ATAD5: variants seen among roughly 807,000 people sequenced by gnomAD.
The protein encoded by ATAD5 is ATPase family AAA domain containing 5.
Under a neutral mutation model 176.9 loss-of-function variants are expected in ATAD5, and 58 were observed. The ratio of observed to expected loss-of-function variants is 0.33; its 90% confidence interval spans 0.27 to 0.41. The LOEUF is 0.41. Among genes scored for constraint, ATAD5 ranks in the 10% least tolerant of loss-of-function variants. The pLI is 1.00. For synonymous variants in ATAD5, 640 were observed against 712.6 expected, an observed-to-expected ratio of 0.90 and a Z score of 1.62; for missense variants, 1,789 against 2,094.1, an observed-to-expected ratio of 0.85 and a Z score of 2.84.
chr17:30,850,833 T>TATATTTATATATA (rs1906849991), intron 6 of ATAD5, among the ~76,000 whole-genome samples: 1 of 27,832 alleles, frequency 3.6e-5, no homozygotes, highest in Non-Finnish European at 5.9e-5. Flanking sequence ...TTATATATTT[T>TATATTTATATATA]TATATATATA....
rs55696194 is a variant in ATAD5 at position 30,840,195 on chromosome 17, TAA to T, written c.2077-399_2077-398del. Among the ~76,000 whole-genome samples, 880 of 106,050 alleles carry T rather than the reference TAA, an allele frequency of 8.3e-3. 5 individuals carry two copies. Among genetic ancestry groups the T allele is most frequent in the African/African-American group, 0.025 (703 of 28,122 alleles). 69.6% of individuals were successfully genotyped at this position (106,050 alleles called of 152,430 possible). ...CCTTGGCAGCAGAGCTAGACTCTGT[TAA>T]AAAAAAAAAAAAAAAAAAAAAACAA... On this transcript the variant is annotated intron_variant, in intron 3 of 22. Coordinates refer to ENST00000321990, the MANE Select transcript of ATAD5 (RefSeq NM_024857.5).
chr17:30,875,712 C>G (rs1230224582), intron 14 of ATAD5, among the ~76,000 whole-genome samples: 1 of 150,680 alleles, frequency 6.6e-6, no homozygotes, highest in Admixed American at 6.6e-5. Context: ...AGGAGGATCA[C>G]TTGAGCCTGG....
chr17:30,884,176 T>G (rs1909179482), intron 18 of ATAD5, among the ~76,000 whole-genome samples: 2 of 151,954 alleles, frequency 1.3e-5, no homozygotes, highest in Non-Finnish European at 2.9e-5. Context: ...TTTTTTTTTT[T>G]TGAGATGGAG....
At position 30,834,477 on chromosome 17, in the gene ATAD5, T is replaced by G; in HGVS notation, c.396T>G (p.Ala132=). 6.3e-7 allele frequency: 1 copy of G among 1,586,080 alleles called. No individual in the cohort carries two copies. The highest frequency in any genetic ancestry group is 1.2e-5 in the South Asian group (1 of 85,394). Residue 132 remains alanine (A), a synonymous_variant, in exon 2 of 23, where the codon GCT becomes GCG. Coordinates refer to ENST00000321990, the MANE Select transcript of ATAD5 (RefSeq NM_024857.5). ...ATAATATTAAAACTGAAAATGAAGC[T>G]CCAATTGAAATTAGTAGCGACGATA... is the stretch of plus-strand genomic sequence containing the variant. ...QLNNIKTENE[A]PIEISSDDSK... is the part of the protein sequence containing the mutation.
chr17:30,890,773 C>T (rs185886921), intron 19 of ATAD5, among the ~76,000 whole-genome samples: 34 of 151,256 alleles, frequency 2.2e-4, no homozygotes, highest in African/African-American at 7.0e-4. Flanking sequence ...TCATCCCTGC[C>T]CTTAAAAAAA....
chr17:30,834,710 G>A lies in ATAD5; in HGVS notation c.629G>A (p.Cys210Tyr). 2 of 1,611,046 alleles carry A rather than the reference G, an allele frequency of 1.2e-6. No homozygotes were observed. The highest frequency in any genetic ancestry group is 1.7e-6 in the Non-Finnish European group (2 of 1,179,220). ...TTCAAAAAGTTGAGAAAAAGGAAAT[G>A]CAGAGATGTAGTAGATCTATCTGAA... ...NDFKKLRKRK[C>Y]RDVVDLSESL... is the part of the protein sequence containing the mutation. Residue 210 changes from cysteine to tyrosine, a missense_variant, in exon 2 of 23, where the codon TGC (cysteine) becomes TAC (tyrosine). Cys to Tyr is a radical substitution (Grantham distance 194). Around this residue, in one of 6 missense-constraint regions of ATAD5, gnomAD observed 696 missense variants for 712.5 expected, o/e 0.98. Transcript: ENST00000321990.
At chr17:30,882,500 G>C (rs1182483992) in intron 18 of ATAD5, among the ~76,000 whole-genome samples, 3 of 152,142 alleles carry the variant, frequency 2.0e-5, no homozygotes, top group Non-Finnish European at 4.4e-5. Context: ...TAAGGCAAGA[G>C]GATTGCTTGA....
At chr17:30,839,650 G>C (rs1905972932) in intron 3 of ATAD5, among the ~76,000 whole-genome samples, 1 of 141,762 alleles carries the variant, frequency 7.1e-6, no homozygotes, top group Non-Finnish European at 1.5e-5. Context: ...CGCGATTTTG[G>C]CTCACTGCAA....
intron 10 of ATAD5, among the ~76,000 whole-genome samples, chr17:30,862,361 G>GA (rs963993301): frequency 5.5e-4 from 82 of 150,396 alleles, no homozygotes; most frequent in African/African-American, 1.7e-3. Flanking sequence ...TAACAAAGTT[G>GA]AAAAAAAAAT....
Position 30,887,269 on chromosome 17 carries a change from G to A in ATAD5, c.4155G>A (p.Leu1385=). ...CTGATGTAAAAGACTTTGTAACCTT[G>A]TTAACTGCAAATACTTGTGATATCA... ...FRTDVKDFVT[L]LTANTCDIRK... Residue 1385 remains leucine, a synonymous_variant, in exon 19 of 23, where the codon TTG becomes TTA. Coordinates refer to ENST00000321990, the MANE Select transcript of ATAD5 (RefSeq NM_024857.5). 1.2e-6 allele frequency: 2 copies of A among 1,607,650 alleles called. No homozygotes were observed. The highest frequency in any genetic ancestry group is 1.7e-6 in the Non-Finnish European group (2 of 1,177,356).
intron 7 of ATAD5, among the ~76,000 whole-genome samples, chr17:30,855,556 G>A (rs1907244650): frequency 6.6e-6 from 1 of 151,610 alleles, no homozygotes; most frequent in African/African-American, 2.4e-5. Flanking sequence ...AATGGTGTAG[G>A]CTGGGTGTGG....
Position 30,834,143 on chromosome 17 carries a change from G to A in ATAD5, c.67-5G>A. 6.6e-7 allele frequency: 1 copy of A among 1,521,766 alleles called. No individual in the cohort carries two copies. The highest frequency in any genetic ancestry group is 8.8e-7 in the Non-Finnish European group (1 of 1,140,240). 94.3% of individuals were successfully genotyped at this position (1,521,766 alleles called of 1,614,324 possible). On this transcript the variant is annotated splice_polypyrimidine_tract_variant and splice_region_variant and intron_variant, in intron 1 of 22. Transcript: ENST00000321990. ...TAAGTGCCTTTTTCTCTTTTAAATTGCCAGCCATGCAAAAAGCGAAAGAAA... is the reference window on the plus strand; with the variant it reads ...TAAGTGCCTTTTTCTCTTTTAAATTACCAGCCATGCAAAAAGCGAAAGAAA...
At chr17:30,884,424 C>CT (rs61664127) in intron 18 of ATAD5, among the ~76,000 whole-genome samples, 2,741 of 80,934 alleles carry the variant, frequency 0.034, 137 homozygotes, top group Non-Finnish European at 0.044. Context: ...CTTTTCTTTT[C>CT]TTTTTTTTTT....
intron 4 of ATAD5, among the ~76,000 whole-genome samples, chr17:30,843,356 T>TA (rs1214912363): frequency 6.7e-6 from 1 of 149,094 alleles, no homozygotes; most frequent in Non-Finnish European, 1.5e-5. Flanking sequence ...TGTCACAATT[T>TA]AAAAAAACAC....
rs151063914 is a variant in ATAD5 at position 30,858,266 on chromosome 17, C to T, written c.2899C>T (p.Leu967Phe). 267 of 1,591,288 alleles carry T rather than the reference C, an allele frequency of 1.7e-4. No individual in the cohort carries two copies. Among genetic ancestry groups the T allele is most frequent in the Non-Finnish European group, 2.1e-4 (251 of 1,168,928 alleles). The change falls in exon 9 of 23, where the codon CTC (leucine) becomes TTC (phenylalanine). Residue 967 changes from leucine to phenylalanine, a missense_variant. Leu to Phe is a conservative substitution (Grantham distance 22, BLOSUM62 0). Transcript: ENST00000321990. ...EFSLKKYFPL[L>F]LKKQIEHQVL... Reference sequence around the variant, plus strand: ...TTCATTGAAAAAATATTTTCCCTTACTCCTAAAAAAACAAATTGAGCACCA... The same window carrying T: ...TTCATTGAAAAAATATTTTCCCTTATTCCTAAAAAAACAAATTGAGCACCA...
intron 6 of ATAD5, among the ~76,000 whole-genome samples, chr17:30,853,518 GTATC>G (rs1259755232): frequency 6.6e-6 from 1 of 151,966 alleles, no homozygotes; most frequent in Non-Finnish European, 1.5e-5. Flanking sequence ...ATCTCATTTA[GTATC>G]TATCTGGCTT....
Position 30,887,212 on chromosome 17 carries a change from A to G in ATAD5, c.4098A>G (p.Leu1366=). 1 of 1,586,668 alleles carries G rather than the reference A, an allele frequency of 6.3e-7. No individual in the cohort carries two copies. Among genetic ancestry groups the G allele is most frequent in the Non-Finnish European group, 8.5e-7 (1 of 1,170,902 alleles). The change falls in exon 19 of 23, where the codon CTA becomes CTG. Residue 1366 remains leucine, a synonymous_variant. Transcript: ENST00000321990. ...TPSLLNVASY[L]QMICLTENFR... is the part of the protein sequence containing the mutation. The stretch of plus-strand genomic sequence containing the variant: ...TGAAGCTAAATGTTGCCAGCTACCT[A>G]CAAATGATTTGCTTAACTGAGAATT...
At chr17:30,839,250 T>C (rs1236615735) in intron 3 of ATAD5, among the ~76,000 whole-genome samples, 1 of 152,042 alleles carries the variant, frequency 6.6e-6, no homozygotes, top group Non-Finnish European at 1.5e-5. Flanking sequence ...GATTTTTTTC[T>C]CTCCAGATAT....
At chr17:30,869,814 AT>A in intron 14 of ATAD5, 168 bp downstream of exon 14, 1 of 656,524 alleles carries the variant, frequency 1.5e-6, no homozygotes. Context: ...CCATCATATC[AT>A]TTCACCCATA....
Sources: allele counts gnomAD v4.1 joint callset (sites outside exome capture counted in the v4.1 genomes callset), GRCh38; gene constraint gnomAD v4.1.1; regional missense constraint gnomAD v4.1.1; transcripts MANE v1.5; gene names NCBI Gene and HGNC (gene_info 2026-07-23, HGNC 2026-07-21).